MDGA2: variants seen among roughly 807,000 people sequenced by gnomAD.
MDGA2 encodes the protein MAM domain containing glycosylphosphatidylinositol anchor 2, also known as MAM domain-containing glycosylphosphatidylinositol anchor protein 2.
In MDGA2, 40 loss-of-function variants were observed where a neutral mutation model predicts 117.8. The observed-to-expected ratio is 0.34, with a 90% confidence interval of 0.26 to 0.44. The LOEUF (loss-of-function observed/expected upper bound fraction) is 0.44. Among genes scored for constraint, MDGA2 ranks in the 20% least tolerant of loss-of-function variants. MDGA2 has a pLI of 1.00. For synonymous variants in MDGA2, 452 were observed against 439.0 expected (o/e 1.03, Z -0.37); for missense variants, 1,123 against 1,250.6 (o/e 0.90, Z 1.54).
At chr14:47,088,995 A>G (rs1470963760) in intron 6 of MDGA2, among the ~76,000 whole-genome samples, 1 of 152,208 alleles carries the variant, frequency 6.6e-6, no homozygotes, top group Admixed American at 6.6e-5. Flanking sequence ...ACTGATTAAC[A>G]AAAACAGAAT....
intron 1 of MDGA2, among the ~76,000 whole-genome samples, chr14:47,385,202 A>G (rs1278567065): frequency 2.6e-5 from 4 of 152,210 alleles, no homozygotes; most frequent in African/African-American, 9.6e-5. Flanking sequence ...AGTAAATTGC[A>G]TATTAAGTCT....
intron 7 of MDGA2, among the ~76,000 whole-genome samples, chr14:47,039,132 CTGT>C: frequency 6.6e-6 from 1 of 152,140 alleles, no homozygotes; most frequent in East Asian, 1.9e-4. Context: ...ATAATTTTTT[CTGT>C]TGAGAGATCT....
chr14:46,953,986 C>T (rs1885464810), intron 9 of MDGA2, among the ~76,000 whole-genome samples: 1 of 152,016 alleles, frequency 6.6e-6, no homozygotes, highest in Non-Finnish European at 1.5e-5. Context: ...TATAATCAAG[C>T]TGCTGGAAAC....
At chr14:47,561,849 T>C (rs1895823157) in intron 1 of MDGA2, among the ~76,000 whole-genome samples, 1 of 152,202 alleles carries the variant, frequency 6.6e-6, no homozygotes, top group South Asian at 2.1e-4. Context: ...TTTAGCATGA[T>C]GTTAGCTGTA....
chr14:47,199,587 AATAAC>A (rs772412653), intron 3 of MDGA2, among the ~76,000 whole-genome samples: 4 of 152,168 alleles, frequency 2.6e-5, no homozygotes, highest in Non-Finnish European at 5.9e-5. Flanking sequence ...AGGTCATACA[AATAAC>A]ATAACAGGAT....
chr14:47,318,114 A>T (rs937240122), intron 1 of MDGA2, among the ~76,000 whole-genome samples: 2 of 152,224 alleles, frequency 1.3e-5, no homozygotes, highest in African/African-American at 4.8e-5. Context: ...ACCACTGCAA[A>T]AGCAGTCTGA....
intron 1 of MDGA2, among the ~76,000 whole-genome samples, chr14:47,323,148 G>GTATATA (rs1890030815): frequency 2.1e-5 from 1 of 47,406 alleles, no homozygotes; most frequent in Non-Finnish European, 4.1e-5. Flanking sequence ...AAAGAGTCAT[G>GTATATA]GATATATATA....
chr14:47,243,280 T>C (rs1335661662), intron 2 of MDGA2, among the ~76,000 whole-genome samples: 1 of 151,584 alleles, frequency 6.6e-6, no homozygotes, highest in African/African-American at 2.4e-5. Flanking sequence ...GCTCAGGGAT[T>C]GTAAACACAC....
At chr14:47,312,307 A>G (rs926211077) in intron 1 of MDGA2, among the ~76,000 whole-genome samples, 1 of 152,118 alleles carries the variant, frequency 6.6e-6, no homozygotes, top group African/African-American at 2.4e-5. Flanking sequence ...GCCATCTTCC[A>G]GATTACCTGT....
At chr14:46,859,757 G>A (rs1180934466) in intron 14 of MDGA2, among the ~76,000 whole-genome samples, 1 of 152,026 alleles carries the variant, frequency 6.6e-6, no homozygotes, top group East Asian at 1.9e-4. Context: ...GCCTTTAGAT[G>A]ATCTCATTTT....
chr14:46,932,333 G>C (rs1884613456), intron 9 of MDGA2, among the ~76,000 whole-genome samples: 1 of 151,580 alleles, frequency 6.6e-6, no homozygotes, highest in Non-Finnish European at 1.5e-5. Flanking sequence ...AATAATGTAA[G>C]TTCACATGAA....
At chr14:46,944,550 A>G (rs548972240) in intron 9 of MDGA2, among the ~76,000 whole-genome samples, 4 of 151,736 alleles carry the variant, frequency 2.6e-5, no homozygotes, top group Non-Finnish European at 4.4e-5. Context: ...TTCTCACTCT[A>G]TTTCAGAACT....
At chr14:47,602,279 G>A (rs191046682) in intron 1 of MDGA2, among the ~76,000 whole-genome samples, 13 of 152,088 alleles carry the variant, frequency 8.5e-5, no homozygotes, top group African/African-American at 2.2e-4. Context: ...CCAAAAACAC[G>A]GGTAAGACCT....
chr14:47,627,888 G>T (rs961552037), intron 1 of MDGA2, among the ~76,000 whole-genome samples: 1 of 152,178 alleles, frequency 6.6e-6, no homozygotes, highest in Non-Finnish European at 1.5e-5. Context: ...GAACCCACCA[G>T]AAGGAAGAAA....
chr14:47,307,729 A>G (rs1438779679), intron 1 of MDGA2, among the ~76,000 whole-genome samples: 2 of 151,982 alleles, frequency 1.3e-5, no homozygotes, highest in Non-Finnish European at 2.9e-5. Context: ...AGATTTGAAG[A>G]AGAAGGTGGA....
intron 1 of MDGA2, among the ~76,000 whole-genome samples, chr14:47,356,630 G>T (rs1189788514): frequency 2.0e-5 from 3 of 152,026 alleles, no homozygotes; most frequent in Non-Finnish European, 4.4e-5. Context: ...AGCATAAAGG[G>T]GCCCTTCCCT....
At chr14:46,922,894 T>C (rs1012553016) in intron 9 of MDGA2, among the ~76,000 whole-genome samples, 4 of 152,208 alleles carry the variant, frequency 2.6e-5, no homozygotes, top group Non-Finnish European at 5.9e-5. Context: ...CGAAGTAGGA[T>C]AGAATAATAA....
intron 1 of MDGA2, among the ~76,000 whole-genome samples, chr14:47,500,986 T>A (rs1894387371): frequency 6.6e-6 from 1 of 152,180 alleles, no homozygotes; most frequent in African/African-American, 2.4e-5. Context: ...TTTGTTAGAT[T>A]ACATATTAAT....
At chr14:47,033,409 A>G (rs1289444559) in intron 8 of MDGA2, among the ~76,000 whole-genome samples, 4 of 152,214 alleles carry the variant, frequency 2.6e-5, no homozygotes, top group Admixed American at 1.3e-4. Context: ...AGCTTTGTGC[A>G]TAACTCGAAG....
Sources: allele counts gnomAD v4.1 joint callset (sites outside exome capture counted in the v4.1 genomes callset), GRCh38; gene constraint gnomAD v4.1.1; transcripts MANE v1.5; gene names NCBI Gene and HGNC (gene_info 2026-07-23, HGNC 2026-07-21).